ADGRL3: variants seen among roughly 807,000 people sequenced by gnomAD.
ADGRL3 encodes the protein calcium-independent alpha-latrotoxin receptor 3.
Under a neutral mutation model 153.5 loss-of-function variants are expected in ADGRL3, and 62 were observed. The observed-to-expected ratio is 0.40, with a 90% confidence interval of 0.33 to 0.50. The LOEUF (loss-of-function observed/expected upper bound fraction) is 0.50, where lower values mean the gene tolerates loss of function less well. ADGRL3 is among the 20% of genes least tolerant of loss of function. The pLI, the probability that ADGRL3 is intolerant of heterozygous loss-of-function variation, is 0.47. For missense variants in ADGRL3, 1,641 were observed against 1,859.4 expected, an observed-to-expected ratio of 0.88 and a Z score of 2.16; for synonymous variants, 710 against 672.5, an observed-to-expected ratio of 1.06 and a Z score of -0.86.
At position 61,385,772 on chromosome 4, in the gene ADGRL3, A is replaced by G. The variant is rs1371027291; in HGVS notation, c.-174+2583A>G. 1.3e-5 allele frequency: 2 copies of G among 152,194 alleles called. 1 individual carries two copies. The highest frequency in any genetic ancestry group is 4.8e-5 in the African/African-American group (2 of 41,456). The allele number at this position is 152,194 out of a possible 1,614,324, so 9.4% of individuals were successfully genotyped here. A position where few individuals can be genotyped will look rare whatever the true frequency, so the allele number is the denominator to read the frequency against. ...TTATTTCACCAACATTAAGTACCAAATAAACTATTATATATTCAACTTTGT... is the reference window on the plus strand; with the variant it reads ...TTATTTCACCAACATTAAGTACCAAGTAAACTATTATATATTCAACTTTGT... On this transcript the variant is annotated intron_variant, in intron 2 of 26. Transcript: ENST00000683033.
intron 13 of ADGRL3, among the ~76,000 whole-genome samples, chr4:61,914,297 G>T (rs1330384091): frequency 1.3e-5 from 2 of 152,096 alleles, no homozygotes; most frequent in East Asian, 3.9e-4. Flanking sequence ...CGTAGGGAAG[G>T]AAAGATTTCT....
intron 2 of ADGRL3, among the ~76,000 whole-genome samples, chr4:61,394,819 A>G (rs766544751): frequency 2.6e-5 from 4 of 152,098 alleles, no homozygotes; most frequent in African/African-American, 9.6e-5. Context: ...ATTGCCTCTT[A>G]CAAGTGTAAT....
chr4:61,554,333 A>G (rs777215515), intron 4 of ADGRL3, among the ~76,000 whole-genome samples: 3 of 151,884 alleles, frequency 2.0e-5, no homozygotes, highest in Non-Finnish European at 4.4e-5. Flanking sequence ...AGCTGGGATT[A>G]CAGGCGCGTG....
chr4:61,851,492 G>A (rs1222428079), intron 9 of ADGRL3, among the ~76,000 whole-genome samples: 2 of 151,232 alleles, frequency 1.3e-5, no homozygotes, highest in African/African-American at 4.9e-5. Flanking sequence ...GAGAAGCTGA[G>A]GCAGGAGGAT....
chr4:61,876,471 C>T (rs1046650329), intron 9 of ADGRL3, among the ~76,000 whole-genome samples: 1 of 151,988 alleles, frequency 6.6e-6, no homozygotes, highest in African/African-American at 2.4e-5. Flanking sequence ...AATTCTTTTC[C>T]TGAATTAATG....
chr4:61,876,612 G>A (rs954873303), intron 9 of ADGRL3, among the ~76,000 whole-genome samples: 2 of 151,956 alleles, frequency 1.3e-5, no homozygotes, highest in African/African-American at 4.8e-5. Flanking sequence ...ATATAATTAA[G>A]TAAACGGAGT....
At chr4:61,646,440 T>C (rs942736539) in intron 5 of ADGRL3, among the ~76,000 whole-genome samples, 2 of 151,968 alleles carry the variant, frequency 1.3e-5, no homozygotes, top group African/African-American at 4.8e-5. Flanking sequence ...TCTTTGATGA[T>C]GGTGATGTAC....
chr4:61,373,070 C>T (rs1167433868), intron 1 of ADGRL3, among the ~76,000 whole-genome samples: 1 of 152,198 alleles, frequency 6.6e-6, no homozygotes, highest in African/African-American at 2.4e-5. Flanking sequence ...TGAGGCAATG[C>T]CTCGCCCTGC....
At chr4:61,292,139 A>G (rs1170741326) in intron 1 of ADGRL3, among the ~76,000 whole-genome samples, 2 of 151,952 alleles carry the variant, frequency 1.3e-5, no homozygotes, top group Non-Finnish European at 2.9e-5. Context: ...TACTGAAGTC[A>G]GCATGAACCT....
At chr4:61,998,737 T>A (rs1471096288) in intron 21 of ADGRL3, among the ~76,000 whole-genome samples, 1 of 151,702 alleles carries the variant, frequency 6.6e-6, no homozygotes, top group African/African-American at 2.4e-5. Flanking sequence ...GACCATGCCC[T>A]GCTAATTTTT....
chr4:61,535,738 A>C (rs1454324522), intron 4 of ADGRL3, among the ~76,000 whole-genome samples: 1 of 151,936 alleles, frequency 6.6e-6, no homozygotes, highest in African/African-American at 2.4e-5. Flanking sequence ...AGAGATTTTC[A>C]TAATAGTCTT....
chr4:61,903,759 A>G lies in ADGRL3; in HGVS notation c.1888-5801A>G, dbSNP rs964939940. Among the ~76,000 whole-genome samples the G allele has an allele frequency of 5.3e-5, 8 of 150,152 alleles. No individual in the cohort carries two copies. In the South Asian group the frequency reaches 1.5e-3, roughly 28 times the overall value. ...AAAAGATACTTTTTATATTTTTACTATAAACATATTTATTTATTCATTTAT... is the reference window on the plus strand; with the variant it reads ...AAAAGATACTTTTTATATTTTTACTGTAAACATATTTATTTATTCATTTAT... On this transcript the variant is annotated intron_variant, in intron 11 of 26. Transcript: ENST00000683033.
intron 25 of ADGRL3, among the ~76,000 whole-genome samples, chr4:62,057,437 G>T (rs1220999951): frequency 6.6e-6 from 1 of 152,000 alleles, no homozygotes; most frequent in South Asian, 2.1e-4. Context: ...TAGATCTTCA[G>T]GTATAAAGTA....
chr4:61,633,059 C>T lies in ADGRL3; in HGVS notation c.474-43767C>T, dbSNP rs961324676. Among the ~76,000 whole-genome samples the T allele has an allele frequency of 5.3e-5, 8 of 152,226 alleles. No homozygotes were observed. In the East Asian group the frequency reaches 1.5e-3, roughly 29 times the overall value. Reference sequence around the variant, plus strand: ...TGCAGAACCCTGTGAAGATTATAGACATTATTATTCTATGTAATGAAGGAG... The same window carrying T: ...TGCAGAACCCTGTGAAGATTATAGATATTATTATTCTATGTAATGAAGGAG... On this transcript the variant is annotated intron_variant, in intron 5 of 26. Transcript: ENST00000683033.
At chr4:61,215,541 A>ATTTT (rs59691960) in intron 1 of ADGRL3, among the ~76,000 whole-genome samples, 6 of 73,664 alleles carry the variant, frequency 8.1e-5, no homozygotes, top group Admixed American at 2.2e-4. Flanking sequence ...CTATTATGGA[A>ATTTT]TTTTTTTTTT....
intron 21 of ADGRL3, among the ~76,000 whole-genome samples, chr4:62,019,718 G>C (rs918660101): frequency 6.6e-6 from 1 of 152,092 alleles, no homozygotes; most frequent in African/African-American, 2.4e-5. Context: ...CTCTTGTGCA[G>C]TAGATGTGCA....
At chr4:62,036,032 T>C (rs1405310529) in intron 23 of ADGRL3, among the ~76,000 whole-genome samples, 2 of 152,130 alleles carry the variant, frequency 1.3e-5, no homozygotes, top group Non-Finnish European at 2.9e-5. Context: ...CGATTTCTTT[T>C]TTTAAAATAC....
At chr4:61,356,243 T>G (rs935318916) in intron 1 of ADGRL3, among the ~76,000 whole-genome samples, 5 of 152,072 alleles carry the variant, frequency 3.3e-5, no homozygotes, top group Non-Finnish European at 7.4e-5. Flanking sequence ...GTTATAGATT[T>G]TAACATAAAA....
At position 61,432,670 on chromosome 4, in the gene ADGRL3, TG is replaced by T. The variant is rs1397656354; in HGVS notation, c.-174+49482del. 3.7e-4 allele frequency among the ~76,000 whole-genome samples: 46 copies of T among 124,746 alleles called. 2 individuals are homozygous for T. Among genetic ancestry groups the T allele is most frequent in the African/African-American group, 1.1e-3 (38 of 34,078 alleles). 81.8% of individuals were successfully genotyped at this position (124,746 alleles called of 152,430 possible). A position where few individuals can be genotyped will look rare whatever the true frequency, so the allele number is the denominator to read the frequency against. ...TCTTTCTTTCTTTTTTTTTTTTTTT[TG>T]AGACAGAATTTCACTCTTGTTGCCC... On this transcript the variant is annotated intron_variant, in intron 2 of 26. Coordinates refer to ENST00000683033, the MANE Select transcript of ADGRL3 (RefSeq NM_001387552.1).
Sources: gnomAD v4.1 joint callset for allele counts (sites outside exome capture counted in the v4.1 genomes callset) on GRCh38, gnomAD v4.1.1 for gene constraint, MANE v1.5 for transcripts, NCBI Gene and HGNC (gene_info 2026-07-23, HGNC 2026-07-21) for gene names.